The following USP38 variants were observed in gnomAD, a reference collection of about 807,000 sequenced individuals.
USP38 encodes ubiquitin specific peptidase 38.
Under a neutral mutation model 94.3 loss-of-function variants are expected in USP38, and 49 were observed. That is an observed-to-expected ratio of 0.52 (90% CI 0.41 to 0.66). The LOEUF (loss-of-function observed/expected upper bound fraction) is 0.66. USP38 is among the 30% of genes least tolerant of loss of function. USP38 has a pLI of 0.00. For synonymous variants in USP38, 468 were observed against 463.6 expected, an observed-to-expected ratio of 1.01 and a Z score of -0.12; for missense variants, 1,128 against 1,229.4, an observed-to-expected ratio of 0.92 and a Z score of 1.23.
intron 1 of USP38, among the ~76,000 whole-genome samples, chr4:143,187,266 A>T (rs568638970): frequency 6.8e-4 from 104 of 152,268 alleles, no homozygotes; most frequent in Non-Finnish European, 1.2e-3. Flanking sequence ...GAGATTTTTT[A>T]AAAATCTTCC....
In USP38 at chr4:143,197,824, T is replaced by C. The variant is rs1407352071; in HGVS notation, c.950T>C (p.Val317Ala). The change falls in exon 4 of 10, where the codon GTT becomes GCT. Residue 317 changes from valine to alanine, a missense_variant and splice_region_variant. Coordinates refer to ENST00000307017, the MANE Select transcript of USP38 (RefSeq NM_032557.6). ...AAGGTGTCTTGTCTTATTTTGAAGG[T>C]TTTTAATCGACTTTGGTTTCCTCTT... is the stretch of plus-strand genomic sequence containing the variant. ...IDVTLLKIEL[V>A]FNRLWFPLVR... 5.0e-6 allele frequency: 8 copies of C among 1,610,192 alleles called. No homozygotes were observed. The highest frequency in any genetic ancestry group is 6.8e-6 in the Non-Finnish European group (8 of 1,177,808).
In USP38 at chr4:143,213,774, T is replaced by A; in HGVS notation, c.1798T>A (p.Cys600Ser). 1.2e-6 allele frequency: 2 copies of A among 1,613,806 alleles called. No homozygotes were observed. The highest frequency in any genetic ancestry group is 1.7e-6 in the Non-Finnish European group (2 of 1,179,818). ...FGGKLRTHIR[C>S]LNCRSTSQKV... ...AGGAAAACTACGAACTCACATACGT[T>A]GTTTGAACTGCAGGAGTACCTCACA... The change falls in exon 9 of 10, where the codon TGT (cysteine) becomes AGT (serine). Residue 600 changes from cysteine to serine, a missense_variant. Transcript: ENST00000307017.
intron 2 of USP38, among the ~76,000 whole-genome samples, chr4:143,192,232 A>C (rs1731415851): frequency 6.6e-6 from 1 of 152,196 alleles, no homozygotes; most frequent in Admixed American, 6.5e-5. Context: ...GGCTACTGTA[A>C]CAAAATACAG....
intron 5 of USP38, among the ~76,000 whole-genome samples, chr4:143,205,324 G>A (rs73850688): frequency 0.029 from 4,370 of 152,240 alleles, 188 homozygotes; most frequent in African/African-American, 0.1. Flanking sequence ...GATGCTAATA[G>A]CAATCCAGAT....
intron 6 of USP38, among the ~76,000 whole-genome samples, chr4:143,207,812 A>C (rs1015795806): frequency 6.6e-6 from 1 of 152,186 alleles, no homozygotes; most frequent in Non-Finnish European, 1.5e-5. Context: ...AAACCAAAGC[A>C]GTTATAACGG....
At position 143,214,774 on chromosome 4, in the gene USP38, C is replaced by T; in HGVS notation, c.2798C>T (p.Thr933Met). The T allele has an allele frequency of 1.2e-6, 2 of 1,613,670 alleles. No individual in the cohort carries two copies. The highest frequency in any genetic ancestry group is 1.7e-6 in the Non-Finnish European group (2 of 1,179,772). The change falls in exon 9 of 10, where the codon ACG becomes ATG. Residue 933 changes from threonine (T) to methionine (M), a missense_variant. Transcript: ENST00000307017. ...TCATTTCAGTCAGTCCAGAAAATTA[C>T]GAGCAGGTTTCCAAAGGACACAGCT... ...FTSFQSVQKI[T>M]SRFPKDTAYV...
intron 9 of USP38, among the ~76,000 whole-genome samples, chr4:143,215,782 T>G (rs1476650450): frequency 6.6e-6 from 1 of 152,130 alleles, no homozygotes; most frequent in Non-Finnish European, 1.5e-5. Flanking sequence ...AGTACTGATT[T>G]TTAGAGGGAA....
chr4:143,190,809 G>T (rs1356811966), intron 2 of USP38, among the ~76,000 whole-genome samples: 1 of 151,940 alleles, frequency 6.6e-6, no homozygotes, highest in Non-Finnish European at 1.5e-5. Flanking sequence ...CAACCATGTG[G>T]ACTCCTGATT....
In USP38 at chr4:143,185,073, C is replaced by G. The variant is rs1271831791; in HGVS notation, c.-378C>G. On this transcript the variant is annotated 5_prime_UTR_variant, in exon 1 of 10. Coordinates refer to ENST00000307017, the MANE Select transcript of USP38 (RefSeq NM_032557.6). ...CCACACCTGACCCGGAACTCGGAGG[C>G]GTGCTTCCTCCACCCGCCGGCTAGC... 5.3e-6 allele frequency: 1 copy of G among 187,632 alleles called. No individual in the cohort carries two copies. The highest frequency in any genetic ancestry group is 2.4e-5 in the African/African-American group (1 of 42,124). The allele number at this position is 187,632 out of a possible 1,614,324, so 11.6% of individuals were successfully genotyped here.
In USP38 at chr4:143,213,891, A is replaced by G. The variant is rs138915044; in HGVS notation, c.1915A>G (p.Ser639Gly). 39 of 1,613,740 alleles carry G rather than the reference A, an allele frequency of 2.4e-5. No homozygotes were observed. Among genetic ancestry groups the G allele is most frequent in the Non-Finnish European group, 3.2e-5 (38 of 1,179,850 alleles). The change falls in exon 9 of 10, where the codon AGT (serine) becomes GGT (glycine). Residue 639 changes from serine (S) to glycine (G), a missense_variant. Transcript: ENST00000307017. The stretch of plus-strand genomic sequence containing the variant: ...TGTCCAAGATCCAGCATCATCACCC[A>G]GTATACAAGATGGTGGTCTAATGCA... ...MSVQDPASSPSIQDGGLMQAS... is the reference protein window; with the variant it reads ...MSVQDPASSPGIQDGGLMQAS...
At chr4:143,187,131 C>T (rs148725868) in intron 1 of USP38, among the ~76,000 whole-genome samples, 2 of 151,966 alleles carry the variant, frequency 1.3e-5, no homozygotes, top group East Asian at 3.9e-4. Context: ...CCTGTGTTGT[C>T]ATAACTGTTA....
At chr4:143,190,262 ATAG>A (rs35381563) in intron 2 of USP38, among the ~76,000 whole-genome samples, 89,948 of 151,630 alleles carry the variant, frequency 0.59, 26,848 homozygotes, top group East Asian at 0.82. Flanking sequence ...GCATAGGGTA[ATAG>A]TAGCAGATTT....
chr4:143,205,212 C>G lies in USP38; in HGVS notation c.1210-821C>G, dbSNP rs545098695. 5.9e-5 allele frequency among the ~76,000 whole-genome samples: 9 copies of G among 152,282 alleles called. 1 individual carries two copies. In the South Asian group the frequency reaches 1.9e-3, roughly 32 times the overall value. On this transcript the variant is annotated intron_variant, in intron 5 of 9. Transcript: ENST00000307017. ...GCTCAGAAGAAACAATGGGCTCGCT[C>G]TAAGCCCAAAGAAAGCACTTTTTCT...
intron 9 of USP38, among the ~76,000 whole-genome samples, 161 bp from the exon 10 acceptor site, chr4:143,220,134 T>C (rs1287754760): frequency 6.6e-6 from 1 of 152,158 alleles, no homozygotes; most frequent in East Asian, 1.9e-4. Context: ...TGTAATATTT[T>C]CTTAGAGAAA....
intron 4 of USP38, among the ~76,000 whole-genome samples, chr4:143,201,695 AT>A (rs1254226502): frequency 6.6e-6 from 1 of 152,158 alleles, no homozygotes; most frequent in African/African-American, 2.4e-5. Flanking sequence ...AGTGGAATAA[AT>A]TTATTTTAAA....
intron 8 of USP38, 38 bp from the exon 9 acceptor site, chr4:143,213,543 T>A: frequency 6.7e-7 from 1 of 1,503,464 alleles, no homozygotes. Flanking sequence ...CATTTGAAGT[T>A]AATTTAAGTA....
At chr4:143,203,100 C>G (rs940310434) in intron 4 of USP38, among the ~76,000 whole-genome samples, 1 of 152,002 alleles carries the variant, frequency 6.6e-6, no homozygotes, top group Non-Finnish European at 1.5e-5. Context: ...CTAACAATTT[C>G]AACCTACAGC....
At position 143,185,289 on chromosome 4, in the gene USP38, C is replaced by T. The variant is rs1430551572; in HGVS notation, c.-162C>T. ...CCCGCCCCGGCTTGGATGGGTCTCC[C>T]TGCGCCATAAATGTGGCTGCTGAGG... On this transcript the variant is annotated 5_prime_UTR_variant, in exon 1 of 10. Transcript: ENST00000307017. The T allele has an allele frequency of 3.9e-6, 3 of 771,188 alleles. No homozygotes were observed. Among genetic ancestry groups the T allele is most frequent in the Admixed American group, 3.0e-5 (1 of 33,202 alleles). 47.8% of individuals were successfully genotyped at this position (771,188 alleles called of 1,614,324 possible). A position where few individuals can be genotyped will look rare whatever the true frequency, so the allele number is the denominator to read the frequency against.
intron 2 of USP38, among the ~76,000 whole-genome samples, chr4:143,192,647 T>G (rs13139457): frequency 6.7e-6 from 1 of 149,974 alleles, no homozygotes; most frequent in Non-Finnish European, 1.5e-5. Flanking sequence ...GTGTCCTCAC[T>G]TGGCAGAAAG....
Sources: allele counts gnomAD v4.1 joint callset (sites outside exome capture counted in the v4.1 genomes callset), GRCh38; gene constraint gnomAD v4.1.1; transcripts MANE v1.5; gene names NCBI Gene and HGNC (gene_info 2026-07-23, HGNC 2026-07-21).